FOCAD: variants seen among roughly 807,000 people sequenced by gnomAD.
FOCAD encodes the protein KIAA1797.
Under a neutral mutation model 225.6 loss-of-function variants are expected in FOCAD, and 198 were observed. The ratio of observed to expected loss-of-function variants is 0.88; its 90% CI spans 0.78 to 0.99. The LOEUF (loss-of-function observed/expected upper bound fraction) is 0.99. Among genes scored for constraint, FOCAD ranks in the 50% least tolerant of loss-of-function variants. FOCAD has a pLI of 0.00. For synonymous variants in FOCAD, 897 were observed against 755.0 expected (o/e 1.19, Z -3.08); for missense variants, 2,713 against 2,123.6 (o/e 1.28, Z -5.46).
intron 15 of FOCAD, among the ~76,000 whole-genome samples, chr9:20,849,640 T>A (rs1391280884): frequency 6.6e-6 from 1 of 151,944 alleles, no homozygotes; most frequent in East Asian, 1.9e-4. Flanking sequence ...GTGAAAAAAA[T>A]CATTAACGTC....
At chr9:20,972,963 C>T (rs539680878) in intron 35 of FOCAD, among the ~76,000 whole-genome samples, 1 of 150,810 alleles carries the variant, frequency 6.6e-6, no homozygotes, top group East Asian at 2.0e-4. Flanking sequence ...CTGCTTTCTG[C>T]AGCTGATTTA....
chr9:20,958,928 C>G (rs1370702728), intron 35 of FOCAD, among the ~76,000 whole-genome samples: 3 of 152,218 alleles, frequency 2.0e-5, no homozygotes, highest in East Asian at 3.9e-4. Context: ...TTTTAAAAAT[C>G]CATTCATCTA....
chr9:20,843,051 A>G (rs556913001), intron 15 of FOCAD, among the ~76,000 whole-genome samples: 21 of 152,078 alleles, frequency 1.4e-4, no homozygotes, highest in Admixed American at 1.1e-3. Flanking sequence ...TTCTATTTAT[A>G]TCTTATATAC....
At chr9:20,680,762 T>C (rs896598638), upstream of FOCAD, among the ~76,000 whole-genome samples, 18 of 151,194 alleles carry the variant, frequency 1.2e-4, no homozygotes, top group African/African-American at 4.1e-4. Context: ...AGGCCAGGAG[T>C]TCAAGACCAG....
intron 15 of FOCAD, among the ~76,000 whole-genome samples, chr9:20,855,107 C>G (rs1349489355): frequency 1.3e-5 from 2 of 151,576 alleles, no homozygotes; most frequent in African/African-American, 2.4e-5. Flanking sequence ...AAACTATAGT[C>G]TAACAAATTT....
At chr9:20,935,848 C>G (rs979188126) in intron 28 of FOCAD, among the ~76,000 whole-genome samples, 1 of 152,204 alleles carries the variant, frequency 6.6e-6, no homozygotes, top group African/African-American at 2.4e-5. Context: ...TACCAACCTG[C>G]TTAGCATTAA....
At position 20,943,579 on chromosome 9, in the gene FOCAD, G is replaced by C. The variant is rs139688043; in HGVS notation, c.3408-1048G>C. 2.6e-4 allele frequency among the ~76,000 whole-genome samples: 40 copies of C among 152,272 alleles called. No homozygotes were observed. The East Asian group carries it at 7.7e-3, about 29-fold the overall frequency. On this transcript the variant is annotated intron_variant, in intron 28 of 43. Coordinates refer to ENST00000338382, the MANE Select transcript of FOCAD (RefSeq NM_001375567.1). The stretch of plus-strand genomic sequence containing the variant: ...GGTGTGGGTGCTCCATTTGCACGTT[G>C]GGGGAAGTAAGTAACATGTTCATAA...
intron 15 of FOCAD, among the ~76,000 whole-genome samples, chr9:20,830,790 C>T (rs1825405846): frequency 6.6e-6 from 1 of 151,934 alleles, no homozygotes; most frequent in South Asian, 2.1e-4. Flanking sequence ...GATCCTCCCA[C>T]CTTAGACTCC....
intron 35 of FOCAD, among the ~76,000 whole-genome samples, chr9:20,973,513 T>G (rs1329297075): frequency 6.6e-6 from 1 of 151,630 alleles, no homozygotes; most frequent in Non-Finnish European, 1.5e-5. Context: ...TCTGCCCTAC[T>G]TCCCCCTTCT....
intron 4 of FOCAD, among the ~76,000 whole-genome samples, chr9:20,729,030 G>C (rs1369533882): frequency 1.3e-5 from 2 of 152,176 alleles, no homozygotes; most frequent in Non-Finnish European, 2.9e-5. Context: ...ACTGAGATTG[G>C]AATTTCCTGG....
In FOCAD at chr9:20,990,093, G is replaced by A. The variant is rs991349824; in HGVS notation, c.5005-30G>A. ...GTTACTTTGAATTGTTAAAAAATATGACCTAACGTCATTTCTATTTTCATC... is the reference window on the plus strand; with the variant it reads ...GTTACTTTGAATTGTTAAAAAATATAACCTAACGTCATTTCTATTTTCATC... On this transcript the variant is annotated intron_variant, in intron 41 of 43. Transcript: ENST00000338382. 7 of 1,612,082 alleles carry A rather than the reference G, an allele frequency of 4.3e-6. No homozygotes were observed. In the African/African-American group the frequency reaches 8.0e-5, roughly 18 times the overall value.
In FOCAD at chr9:20,944,483, T is replaced by C. The variant is rs1304739848; in HGVS notation, c.3408-144T>C. On this transcript the variant is annotated intron_variant, in intron 28 of 43. Transcript: ENST00000338382. ...AGGTATGTGTACTTGTCATGGATGA[T>C]GGGGCACACCATCTACTAGGCAGCA... 3.8e-6 allele frequency: 3 copies of C among 783,882 alleles called. No homozygotes were observed. In the Admixed American group the frequency reaches 8.2e-5, roughly 22 times the overall value. 48.6% of individuals were successfully genotyped at this position (783,882 alleles called of 1,614,324 possible).
intron 21 of FOCAD, chr9:20,897,022 A>C (rs2131949754): frequency 6.6e-6 from 1 of 151,900 alleles, no homozygotes; most frequent in Non-Finnish European, 1.5e-5. Context: ...GAGTGGATTA[A>C]TCTGTTTCTT....
At chr9:20,882,550 G>C (rs573417489) in intron 20 of FOCAD, among the ~76,000 whole-genome samples, 2 of 152,324 alleles carry the variant, frequency 1.3e-5, no homozygotes, top group African/African-American at 4.8e-5. Context: ...CAGCATGCAA[G>C]AGGTAAAAGC....
intron 7 of FOCAD, among the ~76,000 whole-genome samples, chr9:20,766,745 G>A (rs1258291515): frequency 6.6e-6 from 1 of 151,366 alleles, no homozygotes. Flanking sequence ...GTTTTGCCAG[G>A]AATTTTCTAG....
chr9:20,677,084 A>T (rs7871580), intron 2 of FOCAD, among the ~76,000 whole-genome samples: 5,103 of 152,230 alleles, frequency 0.034, 296 homozygotes, highest in African/African-American at 0.12. Context: ...GAATAAATCT[A>T]TGTATCTATG....
intron 19 of FOCAD, among the ~76,000 whole-genome samples, chr9:20,876,217 T>G (rs1216501215): frequency 6.6e-6 from 1 of 152,164 alleles, no homozygotes; most frequent in Non-Finnish European, 1.5e-5. Flanking sequence ...TCCTCTCTTC[T>G]GTTCTTCCCC....
At chr9:20,679,115 C>CTGTGTGTG (rs1221269261) in intron 2 of FOCAD, among the ~76,000 whole-genome samples, 23 of 92,954 alleles carry the variant, frequency 2.5e-4, no homozygotes, top group Non-Finnish European at 3.1e-4. Context: ...AACAGACAGT[C>CTGTGTGTG]TGTGTATGTG....
chr9:20,942,123 C>T (rs1379210627), intron 28 of FOCAD, among the ~76,000 whole-genome samples: 7 of 152,164 alleles, frequency 4.6e-5, no homozygotes. Context: ...TATATACATA[C>T]ACTGTTATAT....
Sources: gnomAD v4.1 joint callset for allele counts (sites outside exome capture counted in the v4.1 genomes callset) on GRCh38, gnomAD v4.1.1 for gene constraint, MANE v1.5 for transcripts, NCBI Gene and HGNC (gene_info 2026-07-23, HGNC 2026-07-21) for gene names.